Variants in MCTP1 observed in about 807,000 individuals in gnomAD.
MCTP1 encodes the protein multiple C2 and transmembrane domain containing 1.
MCTP1 carries 69 observed loss-of-function variants against 120.6 expected under a neutral mutation model. That is an observed-to-expected ratio of 0.57 (90% CI 0.47 to 0.70). The LOEUF (loss-of-function observed/expected upper bound fraction) is 0.70, where lower values mean the gene tolerates loss of function less well. Among genes scored for constraint, MCTP1 ranks in the 30% least tolerant of loss-of-function variants. The pLI is 0.00. For missense variants in MCTP1, 1,203 were observed against 1,248.8 expected, an observed-to-expected ratio of 0.96 and a Z score of 0.55; for synonymous variants, 529 against 493.1, an observed-to-expected ratio of 1.07 and a Z score of -0.96.
chr5:95,217,991 G>T (rs966013953), intron 1 of MCTP1, among the ~76,000 whole-genome samples: 1 of 152,188 alleles, frequency 6.6e-6, no homozygotes, highest in Non-Finnish European at 1.5e-5. Context: ...AGACATGAGA[G>T]ATATGACGTA....
intron 19 of MCTP1, among the ~76,000 whole-genome samples, chr5:94,746,592 C>G (rs1766949605): frequency 1.3e-5 from 2 of 152,122 alleles, no homozygotes; most frequent in South Asian, 4.1e-4. Flanking sequence ...CAAATATAAA[C>G]AACAAATATA....
intron 2 of MCTP1, among the ~76,000 whole-genome samples, chr5:94,965,278 G>T (rs1398141971): frequency 6.6e-6 from 1 of 152,116 alleles, no homozygotes; most frequent in East Asian, 1.9e-4. Flanking sequence ...GCTAGAGTGG[G>T]CCTGGAGCCT....
chr5:94,909,237 C>A lies in MCTP1; in HGVS notation c.1652+14G>T. The A allele has an allele frequency of 6.2e-7, 1 of 1,611,276 alleles. No homozygotes were observed. The highest frequency in any genetic ancestry group is 8.5e-7 in the Non-Finnish European group (1 of 1,178,702). On this transcript the variant is annotated intron_variant, in intron 10 of 22. Transcript: ENST00000515393. The stretch of plus-strand genomic sequence containing the variant: ...TGCTCTAGGAGTGAACCAAAAATTA[C>A]AAATTGCACAAACCTGCCAATGAAA...
intron 1 of MCTP1, among the ~76,000 whole-genome samples, chr5:95,118,438 A>G (rs984202135): frequency 6.6e-6 from 1 of 152,178 alleles, no homozygotes; most frequent in African/African-American, 2.4e-5. Flanking sequence ...CCAGAAAAAA[A>G]TCACCTTCAC....
chr5:95,152,974 T>C (rs1744702845), intron 1 of MCTP1, among the ~76,000 whole-genome samples: 1 of 152,190 alleles, frequency 6.6e-6, no homozygotes, highest in Non-Finnish European at 1.5e-5. Context: ...CATGTGGTCC[T>C]GTAAAACCAT....
Position 95,169,034 on chromosome 5 carries a change from T to C in MCTP1, c.720+114822A>G, listed in dbSNP as rs556342585. Among the ~76,000 whole-genome samples the C allele has an allele frequency of 1.1e-4, 16 of 152,338 alleles. No homozygotes were observed. In the South Asian group the frequency reaches 2.9e-3, roughly 28 times the overall value. ...ATTCAGTATGATATTGGCTGTGGGT[T>C]TGTCATAAATAGCTCTTATTATTTT... On this transcript the variant is annotated intron_variant, in intron 1 of 22. Coordinates refer to ENST00000515393, the MANE Select transcript of MCTP1 (RefSeq NM_024717.7).
At chr5:95,137,081 G>A (rs868437236) in intron 1 of MCTP1, among the ~76,000 whole-genome samples, 2 of 152,264 alleles carry the variant, frequency 1.3e-5, no homozygotes, top group African/African-American at 2.4e-5. Flanking sequence ...ATTCTTTCCT[G>A]AATTCCTTCA....
chr5:95,023,634 C>CCT (rs1238675967), intron 1 of MCTP1, among the ~76,000 whole-genome samples: 1 of 152,168 alleles, frequency 6.6e-6, no homozygotes, highest in East Asian at 1.9e-4. Flanking sequence ...AGAGACATCT[C>CCT]CTTTCAGGCC....
chr5:95,270,276 A>T (rs1469276784), intron 1 of MCTP1, among the ~76,000 whole-genome samples: 1 of 152,226 alleles, frequency 6.6e-6, no homozygotes, highest in Non-Finnish European at 1.5e-5. Flanking sequence ...CTGGTGACAT[A>T]GACCTGGGTC....
intron 1 of MCTP1, among the ~76,000 whole-genome samples, chr5:95,238,323 T>C (rs1228688093): frequency 1.3e-5 from 2 of 152,196 alleles, no homozygotes; most frequent in African/African-American, 4.8e-5. Flanking sequence ...TCAGTTAGTT[T>C]ATAGTTAACT....
At chr5:94,917,874 T>C (rs1211032238) in intron 8 of MCTP1, 22 bp downstream of exon 8, 4 of 1,602,632 alleles carry the variant, frequency 2.5e-6, no homozygotes, top group East Asian at 4.5e-5. Context: ...AAAAAATAAA[T>C]GAACTGAATG....
At chr5:94,757,002 T>C (rs761778329) in intron 19 of MCTP1, among the ~76,000 whole-genome samples, 2 of 152,210 alleles carry the variant, frequency 1.3e-5, no homozygotes, top group South Asian at 4.1e-4. Context: ...GGAGTCTATA[T>C]AGAACTCGCT....
At chr5:95,127,094 G>A (rs898526062) in intron 1 of MCTP1, among the ~76,000 whole-genome samples, 5 of 152,088 alleles carry the variant, frequency 3.3e-5, no homozygotes, top group African/African-American at 9.7e-5. Flanking sequence ...GGTGATTTCA[G>A]AAATATAGCA....
intron 12 of MCTP1, among the ~76,000 whole-genome samples, chr5:94,888,537 G>A (rs997259326): frequency 6.6e-6 from 1 of 152,148 alleles, no homozygotes; most frequent in Non-Finnish European, 1.5e-5. Flanking sequence ...TATAAGTGTT[G>A]ATGCTATGAG....
chr5:94,897,864 C>T lies in MCTP1; in HGVS notation c.1653-3029G>A, dbSNP rs115426384. 2.5e-3 allele frequency among the ~76,000 whole-genome samples: 382 copies of T among 152,248 alleles called. 3 individuals are homozygous for T. The highest frequency in any genetic ancestry group is 8.8e-3 in the African/African-American group (364 of 41,538). Reference sequence around the variant, plus strand: ...CCCTCAAGGAGGCCCCAGTGTCGTTCCCCTCTTTGTGCCTGGACTTATTTT... The same window carrying T: ...CCCTCAAGGAGGCCCCAGTGTCGTTTCCCTCTTTGTGCCTGGACTTATTTT... On this transcript the variant is annotated intron_variant, in intron 10 of 22. Transcript: ENST00000515393.
At chr5:95,048,969 T>C (rs998344733) in intron 1 of MCTP1, among the ~76,000 whole-genome samples, 4 of 152,176 alleles carry the variant, frequency 2.6e-5, no homozygotes, top group African/African-American at 9.7e-5. Context: ...CAAAAAGTTG[T>C]ACTAATGGAA....
At chr5:95,254,496 GT>G (rs1374140236) in intron 1 of MCTP1, among the ~76,000 whole-genome samples, 2 of 152,094 alleles carry the variant, frequency 1.3e-5, no homozygotes, top group Non-Finnish European at 2.9e-5. Flanking sequence ...AAGCTTAACA[GT>G]TAATAAGGCA....
At chr5:94,991,353 C>T (rs1831513898) in intron 2 of MCTP1, among the ~76,000 whole-genome samples, 2 of 152,146 alleles carry the variant, frequency 1.3e-5, no homozygotes, top group Admixed American at 1.3e-4. Flanking sequence ...TTGTTCATAA[C>T]ATTAAATATT....
chr5:95,277,473 G>A (rs1759945968), intron 1 of MCTP1, among the ~76,000 whole-genome samples: 1 of 152,192 alleles, frequency 6.6e-6, no homozygotes, highest in African/African-American at 2.4e-5. Flanking sequence ...AACATAAAGC[G>A]ATTTTGAAGC....
Sources: gnomAD v4.1 joint callset for allele counts (sites outside exome capture counted in the v4.1 genomes callset) on GRCh38, gnomAD v4.1.1 for gene constraint, MANE v1.5 for transcripts, NCBI Gene and HGNC (gene_info 2026-07-23, HGNC 2026-07-21) for gene names.